Variants in IL1RN observed in about 807,000 individuals in gnomAD.
IL1RN encodes the protein interleukin-1 receptor antagonist protein.
Under a neutral mutation model 13.7 loss-of-function variants are expected in IL1RN, and 10 were observed. The observed-to-expected ratio is 0.73, with a 90% CI of 0.45 to 1.24. The LOEUF is 1.24. IL1RN is among the 50% of genes most tolerant of loss of function. The pLI is 0.00. For missense variants in IL1RN, 213 were observed against 222.1 expected (o/e 0.96, Z 0.26); for synonymous variants, 102 against 82.7 (o/e 1.23, Z -1.27).
At position 113,133,143 on chromosome 2, in the gene IL1RN, G is replaced by A. The variant is rs1687234144; in HGVS notation, c.*272G>A. On this transcript the variant is annotated 3_prime_UTR_variant, in exon 4 of 4. Coordinates refer to ENST00000409930, the MANE Select transcript of IL1RN (RefSeq NM_173842.3). ...CCTTCCATGTCGCCTCTGCATTCAG[G>A]ATCAAACCCCGACCACCTGCCCAAC... The A allele has an allele frequency of 5.7e-6, 3 of 522,554 alleles. No individual in the cohort carries two copies. Among genetic ancestry groups the A allele is most frequent in the Non-Finnish European group, 1.0e-5 (3 of 287,240 alleles). The allele number at this position is 522,554 out of a possible 1,614,324, so 32.4% of individuals were successfully genotyped here.
chr2:113,127,530 G>T (rs567810717), upstream of IL1RN: 11 of 1,524,550 alleles, frequency 7.2e-6, no homozygotes, highest in South Asian at 9.8e-5. Flanking sequence ...AGTGGGGCAG[G>T]GTGGCAGACG....
chr2:113,115,512 G>C (rs1168492451), upstream of IL1RN: 1 of 152,194 alleles, frequency 6.6e-6, no homozygotes, highest in Non-Finnish European at 1.5e-5. Flanking sequence ...CAGGCTGGCA[G>C]GTTAGTGCCA....
chr2:113,127,399 C>A, upstream of IL1RN: 1 of 915,276 alleles, frequency 1.1e-6, no homozygotes. Context: ...GGAAATTGCA[C>A]AGGGGAAAAA....
upstream of IL1RN, among the ~76,000 whole-genome samples, chr2:113,105,933 C>T (rs1490879358): frequency 6.6e-6 from 1 of 152,200 alleles, no homozygotes; most frequent in East Asian, 1.9e-4. Context: ...ACATGTCACT[C>T]AATCACCTTC....
chr2:113,120,973 TTCTTCTTCTTCCTCCCCCTTCTCC>T (rs1173053264), intron 2 of IL1RN, among the ~76,000 whole-genome samples: 1 of 152,028 alleles, frequency 6.6e-6, no homozygotes, highest in African/African-American at 2.4e-5. Context: ...CTTCTTCTTC[TTCTTCTTCTTCCTCCCCCTTCTCC>T]TCTTCTTCTT....
chr2:113,129,859 A>G (rs1235912932), intron 2 of IL1RN, 195 bp downstream of exon 2: 9 of 595,920 alleles, frequency 1.5e-5, no homozygotes, highest in Non-Finnish European at 2.5e-5. Context: ...GAGGGTGTGG[A>G]GAGGTAGAGT....
At chr2:113,100,119 A>G in the IL1RN span, among the ~76,000 whole-genome samples, 2,393 of 148,222 alleles carry the variant, frequency 0.016, 60 homozygotes, top group African/African-American at 0.055. Flanking sequence ...TCAGGAGATC[A>G]AGACCATCCT....
upstream of IL1RN, among the ~76,000 whole-genome samples, chr2:113,124,962 G>T (rs1414619460): frequency 6.6e-6 from 1 of 152,126 alleles, no homozygotes; most frequent in South Asian, 2.1e-4. Flanking sequence ...TTCAGACTGG[G>T]GTCAGAGAAA....
At chr2:113,123,944 G>A (rs761017848), upstream of IL1RN, among the ~76,000 whole-genome samples, 22 of 152,190 alleles carry the variant, frequency 1.4e-4, no homozygotes, top group South Asian at 4.1e-4. Flanking sequence ...TTCCCATGTG[G>A]ACAGCTGTGC....
upstream of IL1RN, among the ~76,000 whole-genome samples, chr2:113,125,053 C>A (rs1686908767): frequency 1.3e-5 from 2 of 152,332 alleles, no homozygotes; most frequent in South Asian, 4.2e-4. Context: ...TGGAACTCTC[C>A]ACCCTACCTT....
chr2:113,100,097 C>T, the IL1RN span, among the ~76,000 whole-genome samples: 1 of 145,918 alleles, frequency 6.9e-6, no homozygotes, highest in African/African-American at 2.5e-5. Context: ...CCGAGGCGGG[C>T]AGATCACAAG....
rs909922780 is a variant in IL1RN, at chr2:113,133,423, A to G, written c.*552A>G. ...ATGTTCTTTCGGGGAGAGGCTGAGG[A>G]CTTAAAATATTCCTGCATTTGTGAA... On this transcript the variant is annotated 3_prime_UTR_variant, in exon 4 of 4. Transcript: ENST00000409930. The G allele has an allele frequency of 6.2e-6, 1 of 160,836 alleles. No individual in the cohort carries two copies. Among genetic ancestry groups the G allele is most frequent in the Non-Finnish European group, 1.4e-5 (1 of 72,654 alleles). The allele number at this position is 160,836 out of a possible 1,614,324, so 10.0% of individuals were successfully genotyped here.
upstream of IL1RN, among the ~76,000 whole-genome samples, chr2:113,107,060 A>C (rs1339562024): frequency 6.6e-6 from 1 of 152,248 alleles, no homozygotes; most frequent in Non-Finnish European, 1.5e-5. Flanking sequence ...AATTTAATAT[A>C]TGGCAGATAT....
chr2:113,120,684 G>C (rs1442168320), intron 2 of IL1RN, among the ~76,000 whole-genome samples: 4 of 152,156 alleles, frequency 2.6e-5, no homozygotes, highest in Admixed American at 2.6e-4. Context: ...TAAGGTTTTA[G>C]AATCATTTCT....
At chr2:113,116,235 T>A (rs1686588243), upstream of IL1RN, among the ~76,000 whole-genome samples, 1 of 152,228 alleles carries the variant, frequency 6.6e-6, no homozygotes, top group Admixed American at 6.5e-5. Flanking sequence ...TGATGACACA[T>A]CAGGCTATCC....
chr2:113,114,461 A>G (rs1478856427), upstream of IL1RN, among the ~76,000 whole-genome samples: 1 of 152,132 alleles, frequency 6.6e-6, no homozygotes, highest in Non-Finnish European at 1.5e-5. Flanking sequence ...TACATGTGTA[A>G]TCAGCTGGGT....
chr2:113,109,701 A>G (rs941901252), upstream of IL1RN, among the ~76,000 whole-genome samples: 18 of 152,098 alleles, frequency 1.2e-4, no homozygotes, highest in African/African-American at 4.3e-4. Context: ...GGAAAGGCAC[A>G]ACATAGTGAT....
upstream of IL1RN, among the ~76,000 whole-genome samples, chr2:113,109,778 C>A (rs115275888): frequency 1.4e-5 from 2 of 141,572 alleles, no homozygotes; most frequent in East Asian, 2.0e-4. Context: ...AAAAAAAAAA[C>A]CTCAGCATAT....
At chr2:113,117,902 C>T (rs1026926061) in exon 1 of IL1RN, 8 of 783,330 alleles carry the variant, frequency 1.0e-5, no homozygotes, top group Admixed American at 6.8e-5. Context: ...GGGGCAGCTC[C>T]ACCCTGGGAG....
Sources: gnomAD v4.1 joint callset for allele counts (sites outside exome capture counted in the v4.1 genomes callset) on GRCh38, gnomAD v4.1.1 for gene constraint, MANE v1.5 for transcripts, NCBI Gene and HGNC (gene_info 2026-07-23, HGNC 2026-07-21) for gene names.